MDGA2: variants seen among roughly 807,000 people sequenced by gnomAD.
MDGA2 encodes MAM domain-containing glycosylphosphatidylinositol anchor protein 2.
A neutral mutation model predicts 117.8 loss-of-function variants in MDGA2; 40 were observed. The ratio of observed to expected loss-of-function variants is 0.34; its 90% CI spans 0.26 to 0.44. MDGA2 has a LOEUF of 0.44. MDGA2 is among the 20% of genes least tolerant of loss of function. MDGA2 has a pLI of 1.00. For missense variants in MDGA2, 1,123 were observed against 1,250.6 expected (o/e 0.90, Z 1.54); for synonymous variants, 452 against 439.0 (o/e 1.03, Z -0.37).
At chr14:47,158,363 GGTGT>G (rs34198544) in intron 3 of MDGA2, among the ~76,000 whole-genome samples, 5,941 of 146,480 alleles carry the variant, frequency 0.041, 201 homozygotes, top group African/African-American at 0.098. Context: ...CCCTGGGGTG[GGTGT>G]GTGTGTGTGT....
At chr14:47,143,132 T>A (rs1024785617) in intron 4 of MDGA2, among the ~76,000 whole-genome samples, 3 of 152,080 alleles carry the variant, frequency 2.0e-5, no homozygotes, top group Non-Finnish European at 4.4e-5. Context: ...TACAGGCACG[T>A]GCCACCATGC....
intron 2 of MDGA2, among the ~76,000 whole-genome samples, chr14:47,221,338 G>A (rs750121268): frequency 6.6e-6 from 1 of 152,026 alleles, no homozygotes; most frequent in Non-Finnish European, 1.5e-5. Context: ...ATTTTAAAAA[G>A]CATAAATGTC....
chr14:47,013,207 C>G (rs1887956678), intron 8 of MDGA2, among the ~76,000 whole-genome samples: 1 of 152,148 alleles, frequency 6.6e-6, no homozygotes, highest in African/African-American at 2.4e-5. Flanking sequence ...TGGAGTCAAT[C>G]CTTTGAAACC....
chr14:46,848,954 A>C (rs1363865385), intron 15 of MDGA2, among the ~76,000 whole-genome samples: 2 of 152,056 alleles, frequency 1.3e-5, no homozygotes, highest in Admixed American at 1.3e-4. Flanking sequence ...ATGAAGTGGT[A>C]CAGTAAAAAA....
chr14:46,987,695 T>C (rs1005452161), intron 8 of MDGA2, among the ~76,000 whole-genome samples: 1 of 152,054 alleles, frequency 6.6e-6, no homozygotes, highest in Non-Finnish European at 1.5e-5. Flanking sequence ...AATGCCTCCC[T>C]GATCTTGAAG....
intron 1 of MDGA2, among the ~76,000 whole-genome samples, chr14:47,417,493 T>C (rs1333612017): frequency 6.6e-6 from 1 of 152,184 alleles, no homozygotes; most frequent in Non-Finnish European, 1.5e-5. Flanking sequence ...GGATTACTCA[T>C]ATGTTCTTTG....
intron 1 of MDGA2, among the ~76,000 whole-genome samples, chr14:47,317,287 A>G (rs774040918): frequency 3.9e-5 from 6 of 152,178 alleles, no homozygotes; most frequent in African/African-American, 7.2e-5. Flanking sequence ...TAGTGCAAAG[A>G]TCACATAATT....
At chr14:47,620,067 C>T (rs980295231) in intron 1 of MDGA2, among the ~76,000 whole-genome samples, 1 of 152,320 alleles carries the variant, frequency 6.6e-6, no homozygotes, top group South Asian at 2.1e-4. Context: ...TTAATGCCGG[C>T]ATACATTAAA....
At chr14:46,875,696 A>G (rs891049148) in intron 12 of MDGA2, among the ~76,000 whole-genome samples, 1 of 151,624 alleles carries the variant, frequency 6.6e-6, no homozygotes, top group African/African-American at 2.4e-5. Flanking sequence ...TAGGTATGAC[A>G]TGAAATTCCA....
Position 47,218,052 on chromosome 14 carries a change from T to C in MDGA2, c.564A>G (p.Pro188=), listed in dbSNP as rs957250426. The change falls in exon 3 of 17, where the codon CCA becomes CCG. Residue 188 remains proline (P), a synonymous_variant. Coordinates refer to ENST00000399232, the MANE Select transcript of MDGA2 (RefSeq NM_001113498.3). The part of the protein sequence containing the change: ...YCKAENGLGS[P]AIKSIRVDVY... ...CATCCACTCTGATTGACTTTATCGC[T>C]GGAGACCCCAAGCCATTCTCTGCTT... is the stretch of plus-strand genomic sequence containing the variant. The C allele has an allele frequency of 3.9e-6, 6 of 1,550,674 alleles. No individual in the cohort carries two copies. The highest frequency in any genetic ancestry group is 5.2e-6 in the Non-Finnish European group (6 of 1,146,304).
At chr14:47,383,017 T>C (rs1594828737) in intron 1 of MDGA2, among the ~76,000 whole-genome samples, 1 of 152,300 alleles carries the variant, frequency 6.6e-6, no homozygotes, top group Non-Finnish European at 1.5e-5. Flanking sequence ...GGAAATACTA[T>C]GCAGCCATAA....
intron 3 of MDGA2, among the ~76,000 whole-genome samples, chr14:47,160,875 C>G (rs756026996): frequency 4.6e-5 from 7 of 152,144 alleles, no homozygotes; most frequent in Non-Finnish European, 8.8e-5. Flanking sequence ...TTGATTGGCA[C>G]TGCTCTTTGG....
At chr14:47,006,496 CAG>C (rs1222123434) in intron 8 of MDGA2, among the ~76,000 whole-genome samples, 1 of 148,724 alleles carries the variant, frequency 6.7e-6, no homozygotes, top group African/African-American at 2.4e-5. Flanking sequence ...AAAGAGTGAA[CAG>C]AATTCCAGTT....
intron 3 of MDGA2, among the ~76,000 whole-genome samples, chr14:47,165,890 A>G (rs557882515): frequency 3.3e-5 from 5 of 152,238 alleles, no homozygotes; most frequent in African/African-American, 7.2e-5. Context: ...AAAAACACAC[A>G]TTTTTGTTCT....
At chr14:47,672,602 A>G (rs758804315) in intron 1 of MDGA2, among the ~76,000 whole-genome samples, 3 of 152,138 alleles carry the variant, frequency 2.0e-5, no homozygotes, top group East Asian at 1.9e-4. Context: ...TCATCACCCC[A>G]TCACACACAC....
chr14:46,875,788 A>T (rs1280312027), intron 12 of MDGA2, among the ~76,000 whole-genome samples: 2 of 151,658 alleles, frequency 1.3e-5, no homozygotes, highest in Non-Finnish European at 3.0e-5. Context: ...TATATATTAC[A>T]TATGCACAAA....
intron 2 of MDGA2, among the ~76,000 whole-genome samples, chr14:47,240,065 G>A (rs566905159): frequency 6.6e-6 from 1 of 150,796 alleles, no homozygotes; most frequent in African/African-American, 2.4e-5. Context: ...GTTTTTTTTT[G>A]AGACAGTCTT....
At chr14:46,918,437 G>A (rs184699034) in intron 10 of MDGA2, among the ~76,000 whole-genome samples, 6 of 152,264 alleles carry the variant, frequency 3.9e-5, no homozygotes, top group African/African-American at 1.4e-4. Flanking sequence ...CACAAACTGA[G>A]GGAGAAAGAA....
At chr14:47,071,843 C>T (rs950143163) in intron 6 of MDGA2, among the ~76,000 whole-genome samples, 1 of 152,026 alleles carries the variant, frequency 6.6e-6, no homozygotes, top group African/African-American at 2.4e-5. Context: ...AGACATGAAA[C>T]AAGCAGCATT....
Sources: gnomAD v4.1 joint callset for allele counts (sites outside exome capture counted in the v4.1 genomes callset) on GRCh38, gnomAD v4.1.1 for gene constraint, MANE v1.5 for transcripts, NCBI Gene and HGNC (gene_info 2026-07-23, HGNC 2026-07-21) for gene names.